Variants in BAHD1 observed in about 807,000 individuals in gnomAD.
BAHD1 encodes the protein bromo adjacent homology domain-containing 1 protein.
Under a neutral mutation model 63.1 loss-of-function variants are expected in BAHD1, and 20 were observed. That is an observed-to-expected ratio of 0.32 (90% CI 0.22 to 0.46). The LOEUF is 0.46. Ranked by LOEUF, BAHD1 falls within the 20% of genes least tolerant of loss-of-function variation. The probability of loss-of-function intolerance (pLI) is 1.00; values close to 1 mark genes in which losing one functional copy is unlikely to be tolerated. For synonymous variants in BAHD1, 408 were observed against 426.8 expected, an observed-to-expected ratio of 0.96 and a Z score of 0.54; for missense variants, 939 against 1,071.8, an observed-to-expected ratio of 0.88 and a Z score of 1.73.
rs1215709951 is a variant in BAHD1, at chr15:40,467,473, G to A, written c.*1343G>A. 1 of 153,114 alleles carries A rather than the reference G, an allele frequency of 6.5e-6. No individual in the cohort carries two copies. The highest frequency in any genetic ancestry group is 2.4e-5 in the African/African-American group (1 of 41,482). 9.5% of individuals were successfully genotyped at this position (153,114 alleles called of 1,614,324 possible). ...GGGCATACCCCTGGGGGCAGGGGCT[G>A]GGGCTGAGAACTGCAGCCCTGGGTC... is the stretch of plus-strand genomic sequence containing the variant. On this transcript the variant is annotated 3_prime_UTR_variant, in exon 7 of 7. Coordinates refer to ENST00000416165, the MANE Select transcript of BAHD1 (RefSeq NM_014952.5).
intron 1 of BAHD1, among the ~76,000 whole-genome samples, chr15:40,448,688 C>T (rs867152639): frequency 6.6e-6 from 1 of 152,176 alleles, no homozygotes; most frequent in Non-Finnish European, 1.5e-5. Flanking sequence ...AGGCACACAC[C>T]ACCATGCCCG....
At chr15:40,450,466 C>G (rs539662346) in intron 1 of BAHD1, among the ~76,000 whole-genome samples, 229 of 152,336 alleles carry the variant, frequency 1.5e-3, no homozygotes, top group Admixed American at 4.1e-3. Context: ...TGAACCAACA[C>G]TCGTTCTTTG....
In BAHD1 at chr15:40,466,227, G is replaced by C; in HGVS notation, c.*97G>C. ...AGCACTTGGTTAGGGGGCCACAGAG[G>C]CCTAAGTTTGCTGGCCTGTGGTTTT... On this transcript the variant is annotated 3_prime_UTR_variant, in exon 7 of 7. Transcript: ENST00000416165. 3.4e-6 allele frequency: 3 copies of C among 894,468 alleles called. No homozygotes were observed. Among genetic ancestry groups the C allele is most frequent in the Non-Finnish European group, 3.2e-6 (2 of 629,542 alleles). 55.4% of individuals were successfully genotyped at this position (894,468 alleles called of 1,614,324 possible).
chr15:40,464,829 C>A lies in BAHD1; in HGVS notation c.2052+282C>A, dbSNP rs533175331. 252 of 486,480 alleles carry A rather than the reference C, an allele frequency of 5.2e-4. 3 individuals carry two copies. The East Asian group carries it at 9.1e-3, about 17-fold the overall frequency. 30.1% of individuals were successfully genotyped at this position (486,480 alleles called of 1,614,324 possible). A position where few individuals can be genotyped will look rare whatever the true frequency, so the allele number is the denominator to read the frequency against. On this transcript the variant is annotated intron_variant, in intron 5 of 6. Transcript: ENST00000416165. ...GCCAATGGGAGCAAGTGGATGTGTTCCCCTGGAAACAGGAAAGGTGAGGTG... is the reference window on the plus strand; with the variant it reads ...GCCAATGGGAGCAAGTGGATGTGTTACCCTGGAAACAGGAAAGGTGAGGTG...
At chr15:40,439,275 C>A (rs1264693482), upstream of BAHD1, among the ~76,000 whole-genome samples, 3 of 152,186 alleles carry the variant, frequency 2.0e-5, no homozygotes, top group African/African-American at 7.2e-5. Context: ...CTGAGGGGGC[C>A]CCTCCTTTAA....
chr15:40,444,373 G>T (rs1486829064), intron 1 of BAHD1, among the ~76,000 whole-genome samples: 1 of 152,158 alleles, frequency 6.6e-6, no homozygotes, highest in African/African-American at 2.4e-5. Context: ...TGCTGGTGAA[G>T]AGTCCTATGG....
intron 1 of BAHD1, among the ~76,000 whole-genome samples, chr15:40,441,728 C>T (rs1893408075): frequency 6.7e-6 from 1 of 149,416 alleles, no homozygotes; most frequent in Admixed American, 6.6e-5. Flanking sequence ...CCCGCCGCGC[C>T]CCCTCCCCCA....
Position 40,461,914 on chromosome 15 carries a change from G to T in BAHD1, c.1435G>T (p.Gly479Cys). The change falls in exon 3 of 7, where the codon GGC (glycine) becomes TGC (cysteine). Residue 479 changes from glycine to cysteine, a missense_variant and splice_region_variant. Gly to Cys is a radical substitution (Grantham distance 159). Coordinates refer to ENST00000416165, the MANE Select transcript of BAHD1 (RefSeq NM_014952.5). ...TGACCACTCTCTCCCTTTCCTAGAAGGCTGCAGATCCCTGGGCCAGTTGGA... is the reference window on the plus strand; with the variant it reads ...TGACCACTCTCTCCCTTTCCTAGAATGCTGCAGATCCCTGGGCCAGTTGGA... ...CPYKMPFAAE[G>C]CRSLGQLEFP... 6.3e-7 allele frequency: 1 copy of T among 1,590,912 alleles called. No homozygotes were observed. Among genetic ancestry groups the T allele is most frequent in the Admixed American group, 1.7e-5 (1 of 59,070 alleles).
intron 1 of BAHD1, among the ~76,000 whole-genome samples, chr15:40,443,816 G>A (rs371208572): frequency 1.3e-5 from 2 of 151,990 alleles, no homozygotes; most frequent in East Asian, 3.9e-4. Context: ...TCACAGACTT[G>A]CAATGGCTCC....
intron 1 of BAHD1, among the ~76,000 whole-genome samples, chr15:40,448,979 A>C (rs555010564): frequency 1.3e-5 from 2 of 150,912 alleles, no homozygotes; most frequent in East Asian, 3.9e-4. Flanking sequence ...TAATTTTTGT[A>C]TTTTTAGTAG....
At chr15:40,437,479 G>T (rs1251620741), upstream of BAHD1, among the ~76,000 whole-genome samples, 1 of 152,224 alleles carries the variant, frequency 6.6e-6, no homozygotes, top group Non-Finnish European at 1.5e-5. Flanking sequence ...TATGATGGGG[G>T]AGGGGGCAAG....
In BAHD1 at chr15:40,464,553, C is replaced by T. The variant is rs773498445; in HGVS notation, c.2052+6C>T. 43 of 1,611,794 alleles carry T rather than the reference C, an allele frequency of 2.7e-5. No homozygotes were observed. The highest frequency in any genetic ancestry group is 3.5e-5 in the Non-Finnish European group (41 of 1,178,916). On this transcript the variant is annotated splice_donor_region_variant and intron_variant, in intron 5 of 6. Coordinates refer to ENST00000416165, the MANE Select transcript of BAHD1 (RefSeq NM_014952.5). ...GCAGTCCCAGCATGCACGAGGTGAG[C>T]TGCCTGGCAGATGGGTCAGGGAGGG...
intron 1 of BAHD1, among the ~76,000 whole-genome samples, chr15:40,441,782 C>T (rs551947593): frequency 1.3e-4 from 20 of 150,078 alleles, no homozygotes; most frequent in African/African-American, 4.6e-4. Flanking sequence ...GGCGGCGCCG[C>T]GGGATCGCCC....
Position 40,459,816 on chromosome 15 carries a change from T to C in BAHD1, c.1352T>C (p.Ile451Thr), listed in dbSNP as rs1893983080. 1.2e-6 allele frequency: 2 copies of C among 1,613,104 alleles called. No individual in the cohort carries two copies. Among genetic ancestry groups the C allele is most frequent in the Non-Finnish European group, 1.7e-6 (2 of 1,179,768 alleles). The change falls in exon 2 of 7, where the codon ATC becomes ACC. Residue 451 changes from isoleucine (I) to threonine (T), a missense_variant. Around this residue, in one of 5 missense-constraint regions of BAHD1, gnomAD observed 797 missense variants for 813.3 expected, o/e 0.98. Transcript: ENST00000416165. ...GACACTGGAGTGAATGGCTACAGCA[T>C]CTGCGGAGTGTTGCCCCTGTCTGTT... ...SEDTGVNGYS[I>T]CGVLPLSVTH... is the part of the protein sequence containing the mutation.
chr15:40,462,995 AAG>A (rs1894096639), intron 3 of BAHD1, among the ~76,000 whole-genome samples: 1 of 152,096 alleles, frequency 6.6e-6, no homozygotes, highest in Non-Finnish European at 1.5e-5. Flanking sequence ...TAAAAACAAA[AAG>A]AATATTAACT....
At chr15:40,464,622 G>A (rs954578368) in intron 5 of BAHD1, 75 bp downstream of exon 5, 1 of 1,297,718 alleles carries the variant, frequency 7.7e-7, no homozygotes, top group Non-Finnish European at 1.1e-6. Flanking sequence ...GACGTGGTAG[G>A]GGGAGGGCAG....
intron 1 of BAHD1, among the ~76,000 whole-genome samples, chr15:40,444,931 C>T (rs2141470106): frequency 6.6e-6 from 1 of 152,204 alleles, no homozygotes; most frequent in East Asian, 1.9e-4. Flanking sequence ...CTCACAGTTG[C>T]CATGGCAATG....
At chr15:40,460,846 G>A (rs1224191999) in intron 2 of BAHD1, among the ~76,000 whole-genome samples, 2 of 152,232 alleles carry the variant, frequency 1.3e-5, no homozygotes, top group African/African-American at 4.8e-5. Flanking sequence ...CAGACTGGTT[G>A]TTTCAGGTTG....
Position 40,459,649 on chromosome 15 carries a change from C to T in BAHD1, c.1185C>T (p.Pro395=). ...GGCTGCAGTGTGGGGGCTACTCGCC[C>T]TGCCCCATGCTTCCTGAGGGCAAGC... The part of the protein sequence containing the change: ...QEGLQCGGYS[P]CPMLPEGKLS... The change falls in exon 2 of 7, where the codon CCC becomes CCT. Residue 395 remains proline, a synonymous_variant. Coordinates refer to ENST00000416165, the MANE Select transcript of BAHD1 (RefSeq NM_014952.5). 1 of 1,614,154 alleles carries T rather than the reference C, an allele frequency of 6.2e-7. No homozygotes were observed. Among genetic ancestry groups the T allele is most frequent in the Non-Finnish European group, 8.5e-7 (1 of 1,180,014 alleles).
Sources: allele counts gnomAD v4.1 joint callset (sites outside exome capture counted in the v4.1 genomes callset), GRCh38; gene constraint gnomAD v4.1.1; regional missense constraint gnomAD v4.1.1; transcripts MANE v1.5; gene names NCBI Gene and HGNC (gene_info 2026-07-23, HGNC 2026-07-21).